The following WDR41 variants were observed in gnomAD, a reference collection of about 807,000 sequenced individuals.
The protein encoded by WDR41 is WD repeat-containing protein 41.
In WDR41, 63 loss-of-function variants were observed where a neutral mutation model predicts 69.3. The observed-to-expected ratio is 0.91, with a 90% confidence interval of 0.74 to 1.12. WDR41 has a LOEUF of 1.12. WDR41 is among the 50% of genes most tolerant of loss of function. WDR41 has a pLI of 0.00. For missense variants in WDR41, 543 were observed against 534.5 expected (o/e 1.02, Z -0.16); for synonymous variants, 185 against 192.1 (o/e 0.96, Z 0.31).
intron 1 of WDR41, among the ~76,000 whole-genome samples, chr5:77,600,395 G>A (rs1036476096): frequency 6.6e-6 from 1 of 152,136 alleles, no homozygotes; most frequent in Non-Finnish European, 1.5e-5. Context: ...TGGAAAAGAC[G>A]AAACATTTAG....
chr5:77,601,239 A>C (rs1400079085), intron 1 of WDR41, among the ~76,000 whole-genome samples: 1 of 152,084 alleles, frequency 6.6e-6, no homozygotes, highest in African/African-American at 2.4e-5. Context: ...TCAGAAGAAA[A>C]ATTTTAGAGT....
At chr5:77,592,499 C>G (rs1258569821) in intron 1 of WDR41, among the ~76,000 whole-genome samples, 1 of 152,074 alleles carries the variant, frequency 6.6e-6, no homozygotes, top group Non-Finnish European at 1.5e-5. Flanking sequence ...TCCAGACCAC[C>G]CTCAGGTTTG....
At chr5:77,525,575 A>T (rs1327376303) in intron 1 of WDR41, among the ~76,000 whole-genome samples, 1 of 152,146 alleles carries the variant, frequency 6.6e-6, no homozygotes, top group Non-Finnish European at 1.5e-5. Flanking sequence ...GAGCTGGGTT[A>T]TTAAATTGGG....
intron 4 of WDR41, among the ~76,000 whole-genome samples, chr5:77,461,293 A>G (rs1800043058): frequency 6.6e-6 from 1 of 151,972 alleles, no homozygotes; most frequent in African/African-American, 2.4e-5. Context: ...AAACATACAT[A>G]TATGTGTGTA....
chr5:77,458,144 C>G (rs1403448342), intron 5 of WDR41, among the ~76,000 whole-genome samples: 1 of 151,982 alleles, frequency 6.6e-6, no homozygotes, highest in Non-Finnish European at 1.5e-5. Context: ...AGATTTTAAT[C>G]AAATCAATAC....
chr5:77,440,962 G>A lies in WDR41; in HGVS notation c.733C>T (p.Leu245=). 6.2e-7 allele frequency: 1 copy of A among 1,613,772 alleles called. No homozygotes were observed. Among genetic ancestry groups the A allele is most frequent in the East Asian group, 2.2e-5 (1 of 44,870 alleles). ...SFVTGSHVGE[L]IIWDALDWTM... ...CAGTCCAGGGCATCCCAGATGATCA[G>A]CTCTCCGACGTGGGAGCCGGTGACA... is the stretch of plus-strand genomic sequence containing the variant. The change falls in exon 9 of 13, where the codon CTG becomes TTG. Residue 245 remains leucine, a synonymous_variant. Coordinates refer to ENST00000296679, the MANE Select transcript of WDR41 (RefSeq NM_018268.4).
intron 4 of WDR41, 140 bp downstream of exon 4, chr5:77,462,955 T>A (rs978927227): frequency 2.4e-6 from 2 of 824,020 alleles, no homozygotes; most frequent in Non-Finnish European, 3.5e-6. Flanking sequence ...ATAAATGGTA[T>A]CTTATAAGTA....
At chr5:77,577,313 C>G (rs4704432) in intron 1 of WDR41, among the ~76,000 whole-genome samples, 3 of 134,804 alleles carry the variant, frequency 2.2e-5, no homozygotes, top group Non-Finnish European at 4.8e-5. Context: ...CTGCCCCCTT[C>G]CCCCCACCAA....
At chr5:77,555,335 G>A (rs763537170) in intron 1 of WDR41, among the ~76,000 whole-genome samples, 5 of 152,078 alleles carry the variant, frequency 3.3e-5, no homozygotes, top group Non-Finnish European at 7.4e-5. Context: ...TTAAGACAGG[G>A]TATCACTTTG....
intron 1 of WDR41, among the ~76,000 whole-genome samples, chr5:77,516,939 C>T (rs13357960): frequency 0.14 from 20,776 of 150,954 alleles, 1,987 homozygotes; most frequent in African/African-American, 0.24. Context: ...ATCGCTCGAA[C>T]TTGGGATTGG....
intron 1 of WDR41, among the ~76,000 whole-genome samples, chr5:77,506,379 A>C (rs1002022045): frequency 6.6e-6 from 1 of 152,228 alleles, no homozygotes; most frequent in African/African-American, 2.4e-5. Flanking sequence ...TTAAAAAGTC[A>C]GGAAACAACA....
At chr5:77,434,423 C>A (rs1423465850) in intron 12 of WDR41, among the ~76,000 whole-genome samples, 5 of 152,014 alleles carry the variant, frequency 3.3e-5, no homozygotes, top group Non-Finnish European at 7.4e-5. Flanking sequence ...GAGCAGAATT[C>A]CTTCGGAAAC....
At chr5:77,569,290 T>A (rs1465803011) in intron 1 of WDR41, among the ~76,000 whole-genome samples, 2 of 152,162 alleles carry the variant, frequency 1.3e-5, no homozygotes, top group Non-Finnish European at 2.9e-5. Context: ...AGAAATAAAT[T>A]ATACAATGCC....
chr5:77,567,941 GAA>G lies in WDR41; in HGVS notation c.42+52536_42+52537del, dbSNP rs577246122. 9.4e-3 allele frequency among the ~76,000 whole-genome samples: 1,338 copies of G among 142,080 alleles called. 9 individuals carry two copies. Among genetic ancestry groups the G allele is most frequent in the South Asian group, 0.026 (115 of 4,488 alleles). The allele number at this position is 142,080 out of a possible 152,430, so 93.2% of individuals were successfully genotyped here. A position where few individuals can be genotyped will look rare whatever the true frequency, so the allele number is the denominator to read the frequency against. On this transcript the variant is annotated intron_variant, in intron 1 of 5. Transcript: ENST00000509971. ...TGTTGAAAATCAGTGCCTAGGGAAT[GAA>G]AAAAAAAAAGAGTTGGATATCCCTG... is the stretch of plus-strand genomic sequence containing the variant.
At chr5:77,507,792 A>G (rs954182353) in intron 1 of WDR41, among the ~76,000 whole-genome samples, 4 of 152,122 alleles carry the variant, frequency 2.6e-5, no homozygotes, top group Admixed American at 6.5e-5. Flanking sequence ...ATAATTTTTT[A>G]ATGAAATTTA....
chr5:77,475,051 TGACA>T (rs1800841873), intron 2 of WDR41, among the ~76,000 whole-genome samples: 1 of 152,092 alleles, frequency 6.6e-6, no homozygotes, highest in South Asian at 2.1e-4. Flanking sequence ...AAGAAAGGGG[TGACA>T]GACGGCACCT....
At chr5:77,574,770 G>A (rs1315696723) in intron 1 of WDR41, among the ~76,000 whole-genome samples, 1 of 152,128 alleles carries the variant, frequency 6.6e-6, no homozygotes, top group East Asian at 1.9e-4. Context: ...ATCTACAGTA[G>A]GTCTTAAAAC....
At chr5:77,498,951 C>T (rs1801976568) in intron 1 of WDR41, among the ~76,000 whole-genome samples, 3 of 152,002 alleles carry the variant, frequency 2.0e-5, no homozygotes, top group Admixed American at 6.6e-5. Context: ...CACTTCTGTT[C>T]TTTAAAAGAC....
intron 1 of WDR41, among the ~76,000 whole-genome samples, chr5:77,524,486 G>A (rs182547375): frequency 2.0e-4 from 31 of 152,268 alleles, no homozygotes; most frequent in Admixed American, 7.2e-4. Context: ...TAGCTACTTG[G>A]GAGGCTGAAA....
Sources: gnomAD v4.1 joint callset for allele counts (sites outside exome capture counted in the v4.1 genomes callset) on GRCh38, gnomAD v4.1.1 for gene constraint, MANE v1.5 for transcripts, NCBI Gene and HGNC (gene_info 2026-07-23, HGNC 2026-07-21) for gene names.